LRRTM4: variants seen among roughly 807,000 people sequenced by gnomAD.
LRRTM4 encodes the protein leucine rich repeat transmembrane neuronal 4.
In LRRTM4, 25 loss-of-function variants were observed where a neutral mutation model predicts 47.6. The observed-to-expected ratio is 0.53, with a 90% confidence interval of 0.38 to 0.73. The LOEUF (loss-of-function observed/expected upper bound fraction) is 0.73, where lower values mean the gene tolerates loss of function less well. Ranked by LOEUF, LRRTM4 falls within the 30% of genes least tolerant of loss-of-function variation. The pLI is 0.00. For synonymous variants in LRRTM4, 311 were observed against 269.5 expected, an observed-to-expected ratio of 1.15 and a Z score of -1.51; for missense variants, 638 against 713.4, an observed-to-expected ratio of 0.89 and a Z score of 1.20.
At chr2:77,184,726 T>C (rs890565700) in intron 3 of LRRTM4, among the ~76,000 whole-genome samples, 1 of 152,082 alleles carries the variant, frequency 6.6e-6, no homozygotes, top group Admixed American at 6.6e-5. Flanking sequence ...TCTACATAAA[T>C]GTTAAATTTG....
chr2:77,397,682 C>A (rs1673755705), intron 3 of LRRTM4, among the ~76,000 whole-genome samples: 1 of 151,920 alleles, frequency 6.6e-6, no homozygotes, highest in Admixed American at 6.6e-5. Flanking sequence ...TTATTTTGTC[C>A]TGATTCTATG....
chr2:77,260,574 A>G (rs577923390), intron 3 of LRRTM4, among the ~76,000 whole-genome samples: 2 of 152,232 alleles, frequency 1.3e-5, no homozygotes, highest in African/African-American at 2.4e-5. Context: ...AAGAGATTCT[A>G]ATTTGCCATC....
At chr2:77,219,342 T>C (rs1674552097) in intron 3 of LRRTM4, among the ~76,000 whole-genome samples, 1 of 152,178 alleles carries the variant, frequency 6.6e-6, no homozygotes, top group South Asian at 2.1e-4. Context: ...ATCATCTGAA[T>C]TATTGACCAA....
chr2:77,093,460 T>A lies in LRRTM4; in HGVS notation c.1552-344544A>T, dbSNP rs993980614. On this transcript the variant is annotated intron_variant, in intron 3 of 3. Coordinates refer to ENST00000409884, the MANE Select transcript of LRRTM4 (RefSeq NM_001134745.3). ...TATACGACAAATGTTTCTTCTAACA[T>A]CCCCACAATATCACCCCTTACACAA... Among the ~76,000 whole-genome samples, 8 of 151,416 alleles carry A rather than the reference T, an allele frequency of 5.3e-5. No individual in the cohort carries two copies. In the East Asian group the frequency reaches 1.6e-3, roughly 29 times the overall value.
At chr2:77,136,423 G>A (rs964081896) in intron 3 of LRRTM4, among the ~76,000 whole-genome samples, 7 of 152,184 alleles carry the variant, frequency 4.6e-5, no homozygotes, top group African/African-American at 1.4e-4. Flanking sequence ...GGTCATGACT[G>A]TTAGAAGGAA....
At chr2:76,866,688 A>T (rs529702432) in intron 3 of LRRTM4, among the ~76,000 whole-genome samples, 101 of 152,162 alleles carry the variant, frequency 6.6e-4, no homozygotes, top group Non-Finnish European at 1.3e-3. Flanking sequence ...GAACTGAAAA[A>T]CAAGCATTAG....
chr2:77,235,155 C>T (rs1177279252), intron 3 of LRRTM4, among the ~76,000 whole-genome samples: 1 of 152,028 alleles, frequency 6.6e-6, no homozygotes, highest in Non-Finnish European at 1.5e-5. Flanking sequence ...AGGTTGAATC[C>T]ATGTCTTTGC....
At chr2:76,864,200 G>T (rs1325718147) in intron 3 of LRRTM4, among the ~76,000 whole-genome samples, 1 of 152,128 alleles carries the variant, frequency 6.6e-6, no homozygotes, top group Non-Finnish European at 1.5e-5. Flanking sequence ...TGTTTTTAAA[G>T]TGGTGGGATT....
At chr2:77,308,403 C>T (rs1677350340) in intron 3 of LRRTM4, among the ~76,000 whole-genome samples, 1 of 152,028 alleles carries the variant, frequency 6.6e-6, no homozygotes, top group Non-Finnish European at 1.5e-5. Flanking sequence ...TAATTATAAA[C>T]AATCGACTAA....
At chr2:77,488,383 C>T (rs1476133010) in intron 3 of LRRTM4, among the ~76,000 whole-genome samples, 2 of 152,304 alleles carry the variant, frequency 1.3e-5, no homozygotes, top group East Asian at 3.9e-4. Context: ...CTCACTCATA[C>T]ACCCCTTGCT....
chr2:76,863,709 A>C (rs1672385960), intron 3 of LRRTM4, among the ~76,000 whole-genome samples: 1 of 152,242 alleles, frequency 6.6e-6, no homozygotes, highest in South Asian at 2.1e-4. Context: ...CTTATACACA[A>C]AAAACACACA....
At chr2:76,798,580 A>G (rs1675484825) in intron 3 of LRRTM4, among the ~76,000 whole-genome samples, 1 of 151,056 alleles carries the variant, frequency 6.6e-6, no homozygotes, top group Non-Finnish European at 1.5e-5. Flanking sequence ...AGCTAGCAGA[A>G]GGCAAGAAAT....
intron 3 of LRRTM4, among the ~76,000 whole-genome samples, chr2:77,146,980 C>T (rs1046715054): frequency 2.0e-5 from 3 of 152,128 alleles, no homozygotes; most frequent in Admixed American, 1.3e-4. Flanking sequence ...ATGTACTCAT[C>T]ATTAACTGGC....
rs193256233 is a variant in LRRTM4 at position 77,310,956 on chromosome 2, G to A, written c.1551+207362C>T. On this transcript the variant is annotated intron_variant, in intron 3 of 3. Transcript: ENST00000409884. ...CATATATATAGAGAGAATATTATAT[G>A]TGCATGTGATGTGTGTCTGAGATAT... Among the ~76,000 whole-genome samples the A allele has an allele frequency of 1.3e-3, 194 of 151,616 alleles. 1 individual carries two copies. The highest frequency in any genetic ancestry group is 4.4e-3 in the African/African-American group (180 of 41,264).
intron 3 of LRRTM4, among the ~76,000 whole-genome samples, chr2:76,902,562 A>G (rs1003431294): frequency 6.6e-6 from 1 of 152,188 alleles, no homozygotes; most frequent in African/African-American, 2.4e-5. Context: ...GGGGGATAGA[A>G]CTAGAAGATG....
At chr2:77,510,521 G>A (rs1678944471) in intron 3 of LRRTM4, among the ~76,000 whole-genome samples, 1 of 152,004 alleles carries the variant, frequency 6.6e-6, no homozygotes, top group African/African-American at 2.4e-5. Flanking sequence ...TACGAATTAA[G>A]TAGCACTGTC....
chr2:77,027,863 G>T (rs951276871), intron 3 of LRRTM4, among the ~76,000 whole-genome samples: 2 of 151,674 alleles, frequency 1.3e-5, no homozygotes, highest in African/African-American at 4.8e-5. Context: ...AAAAGAATAT[G>T]TTCAATACAG....
intron 3 of LRRTM4, among the ~76,000 whole-genome samples, chr2:76,885,074 G>A (rs1444000893): frequency 1.3e-5 from 2 of 151,874 alleles, no homozygotes; most frequent in Non-Finnish European, 2.9e-5. Flanking sequence ...AATGTTAGTA[G>A]TGCTTCTGCT....
At chr2:77,339,200 T>C (rs1573277509) in intron 3 of LRRTM4, among the ~76,000 whole-genome samples, 1 of 151,986 alleles carries the variant, frequency 6.6e-6, no homozygotes, top group Admixed American at 6.6e-5. Context: ...CTCAGCATCA[T>C]GCAATATACT....
Sources: gnomAD v4.1 joint callset for allele counts (sites outside exome capture counted in the v4.1 genomes callset) on GRCh38, gnomAD v4.1.1 for gene constraint, MANE v1.5 for transcripts, NCBI Gene and HGNC (gene_info 2026-07-23, HGNC 2026-07-21) for gene names.